The following PKHD1 variants were observed in gnomAD, a reference collection of about 807,000 sequenced individuals.
The protein encoded by PKHD1 is PKHD1 ciliary IPT domain containing fibrocystin/polyductin, also known as fibrocystin.
Under a neutral mutation model 412.0 loss-of-function variants are expected in PKHD1, and 291 were observed. The ratio of observed to expected loss-of-function variants is 0.71; its 90% CI spans 0.64 to 0.78. The LOEUF is 0.78. Ranked by LOEUF, PKHD1 falls within the 30% of genes least tolerant of loss-of-function variation. The pLI is 0.00. For missense variants in PKHD1, 4,825 were observed against 4,950.7 expected (o/e 0.97, Z 0.76); for synonymous variants, 1,777 against 1,821.5 (o/e 0.98, Z 0.62).
At position 52,025,118 on chromosome 6, in the gene PKHD1, A is replaced by T. The variant is rs1433797082; in HGVS notation, c.4692T>A (p.Asn1564Lys). The change falls in exon 32 of 67, where the codon AAT becomes AAA. Residue 1564 changes from asparagine to lysine, a missense_variant. Transcript: ENST00000371117. ...GCATAATGTAGAAGTGTCTGGAAAC[A>T]TTACCAGAACAAGCATACCCATTTC... The part of the protein sequence containing the change: ...YTRNGYACSG[N>K]VSRHFYIMPQ... 6.2e-7 allele frequency: 1 copy of T among 1,614,136 alleles called. No homozygotes were observed. The highest frequency in any genetic ancestry group is 8.5e-7 in the Non-Finnish European group (1 of 1,179,964).
chr6:51,977,703 G>C (rs1011722080), intron 35 of PKHD1, among the ~76,000 whole-genome samples: 9 of 152,198 alleles, frequency 5.9e-5, no homozygotes, highest in African/African-American at 2.2e-4. Flanking sequence ...AGCCAGATGA[G>C]TGGAGCTGCA....
At chr6:51,775,596 T>C (rs111795687) in intron 54 of PKHD1, among the ~76,000 whole-genome samples, 28 of 151,920 alleles carry the variant, frequency 1.8e-4, no homozygotes, top group African/African-American at 6.8e-4. Context: ...GTTTTCTGCA[T>C]GTCGTTCATC....
At chr6:51,942,331 A>C (rs1409416460) in intron 36 of PKHD1, among the ~76,000 whole-genome samples, 2 of 151,638 alleles carry the variant, frequency 1.3e-5, no homozygotes, top group Non-Finnish European at 3.0e-5. Context: ...TTGACCTTAC[A>C]GTTTTGCCTA....
At chr6:51,715,308 TTCCCA>T (rs1286639663) in intron 60 of PKHD1, among the ~76,000 whole-genome samples, 16 of 144,184 alleles carry the variant, frequency 1.1e-4, no homozygotes, top group African/African-American at 4.7e-4. Context: ...AAGTCAGGTA[TTCCCA>T]ACTCCCCTCC....
At chr6:51,791,449 A>G in intron 52 of PKHD1, 76 bp from the exon 53 acceptor site, 2 of 1,367,074 alleles carry the variant, frequency 1.5e-6, no homozygotes, top group Non-Finnish European at 2.1e-6. Flanking sequence ...TTCTCCCAGC[A>G]GTTTGGGAGC....
chr6:52,076,141 G>A, intron 6 of PKHD1, 135 bp downstream of exon 6: 1 of 711,934 alleles, frequency 1.4e-6, no homozygotes, highest in Non-Finnish European at 2.6e-6. Flanking sequence ...TGAACCAGAG[G>A]TTGACTCTTA....
rs575447427 is a variant in PKHD1, at chr6:51,691,359, T to C, written c.10157-31390A>G. Among the ~76,000 whole-genome samples the C allele has an allele frequency of 1.4e-4, 21 of 152,300 alleles. No individual in the cohort carries two copies. In the South Asian group the frequency reaches 4.1e-3, roughly 30 times the overall value. ...TATTATAAAGACACATGCATGAATA[T>C]ATTTGTTGCAGCACTATTCACAGTA... is the stretch of plus-strand genomic sequence containing the variant. On this transcript the variant is annotated intron_variant, in intron 60 of 66. Transcript: ENST00000371117.
Position 52,085,023 on chromosome 6 carries a change from T to A in PKHD1, c.-84-6A>T. 2 of 925,454 alleles carry A rather than the reference T, an allele frequency of 2.2e-6. No individual in the cohort carries two copies. The highest frequency in any genetic ancestry group is 3.6e-5 in the Admixed American group (2 of 54,848). 57.3% of individuals were successfully genotyped at this position (925,454 alleles called of 1,614,324 possible). On this transcript the variant is annotated splice_region_variant and splice_polypyrimidine_tract_variant and intron_variant, in intron 1 of 66. Transcript: ENST00000371117. Reference sequence around the variant, plus strand: ...GGAGCAGCATAGCTTTTGTGCTTTATAAAAACAAAAAAAGCAAAAAAAAAT... The same window carrying A: ...GGAGCAGCATAGCTTTTGTGCTTTAAAAAAACAAAAAAAGCAAAAAAAAAT...
At chr6:51,855,325 C>T (rs764625244) in intron 49 of PKHD1, among the ~76,000 whole-genome samples, 5 of 152,126 alleles carry the variant, frequency 3.3e-5, no homozygotes, top group Non-Finnish European at 5.9e-5. Flanking sequence ...TTTGTTTTTT[C>T]GATGGTAGCC....
intron 60 of PKHD1, among the ~76,000 whole-genome samples, chr6:51,666,633 C>T (rs941695119): frequency 5.3e-5 from 8 of 151,528 alleles, no homozygotes; most frequent in South Asian, 4.2e-4. Context: ...CATGCTGGTG[C>T]GCTGCACCCA....
intron 60 of PKHD1, among the ~76,000 whole-genome samples, chr6:51,681,500 G>C (rs570367583): frequency 1.3e-5 from 2 of 152,058 alleles, no homozygotes; most frequent in Non-Finnish European, 2.9e-5. Context: ...AAGACCAGTA[G>C]CCTTAATCAA....
intron 57 of PKHD1, among the ~76,000 whole-genome samples, chr6:51,748,983 G>A (rs1785642294): frequency 6.6e-6 from 1 of 152,160 alleles, no homozygotes; most frequent in Admixed American, 6.5e-5. Flanking sequence ...TTTGTCGGGG[G>A]CCGGGTCAAA....
intron 53 of PKHD1, among the ~76,000 whole-genome samples, chr6:51,777,946 T>C (rs1791336651): frequency 1.3e-5 from 2 of 152,110 alleles, no homozygotes; most frequent in African/African-American, 4.8e-5. Flanking sequence ...TTGGCTTCCT[T>C]TTTGTAACTG....
intron 35 of PKHD1, among the ~76,000 whole-genome samples, chr6:52,007,133 A>G (rs1799184830): frequency 6.6e-6 from 1 of 152,172 alleles, no homozygotes; most frequent in Non-Finnish European, 1.5e-5. Flanking sequence ...ACAATTGCGA[A>G]TTGTGCTGCT....
intron 45 of PKHD1, among the ~76,000 whole-genome samples, chr6:51,885,010 T>G (rs1354786517): frequency 2.0e-5 from 3 of 152,208 alleles, no homozygotes; most frequent in Non-Finnish European, 2.9e-5. Flanking sequence ...TTTTATGGGA[T>G]ATATGAAACA....
Position 51,886,326 on chromosome 6 carries a change from C to T in PKHD1, c.7110-354G>A, listed in dbSNP as rs79919598. Among the ~76,000 whole-genome samples, 9 of 152,274 alleles carry T rather than the reference C, an allele frequency of 5.9e-5. No individual in the cohort carries two copies. In the East Asian group the frequency reaches 1.2e-3, roughly 20 times the overall value. Reference sequence around the variant, plus strand: ...CATGTGACTCTCTTCTCTTTACCATCGAACTGTTATGATCTAGAAAATAAT... The same window carrying T: ...CATGTGACTCTCTTCTCTTTACCATTGAACTGTTATGATCTAGAAAATAAT... On this transcript the variant is annotated intron_variant, in intron 44 of 66. Coordinates refer to ENST00000371117, the MANE Select transcript of PKHD1 (RefSeq NM_138694.4).
chr6:51,754,057 T>C (rs769742980), intron 56 of PKHD1, among the ~76,000 whole-genome samples: 1 of 152,200 alleles, frequency 6.6e-6, no homozygotes, highest in East Asian at 1.9e-4. Context: ...GGTGAAACCA[T>C]GGATTTGCCT....
intron 35 of PKHD1, among the ~76,000 whole-genome samples, chr6:52,001,446 T>G (rs1370579300): frequency 1.3e-5 from 2 of 151,724 alleles, no homozygotes; most frequent in African/African-American, 2.4e-5. Flanking sequence ...TTTTTTTTTT[T>G]TGAGATGGAG....
chr6:51,829,175 A>G (rs1767828792), intron 52 of PKHD1, among the ~76,000 whole-genome samples: 1 of 152,022 alleles, frequency 6.6e-6, no homozygotes. Context: ...TCCCCCACCC[A>G]GCATTGATTT....
Sources: allele counts gnomAD v4.1 joint callset (sites outside exome capture counted in the v4.1 genomes callset), GRCh38; gene constraint gnomAD v4.1.1; transcripts MANE v1.5; gene names NCBI Gene and HGNC (gene_info 2026-07-23, HGNC 2026-07-21).